PXDNL: variants seen among roughly 807,000 people sequenced by gnomAD.
The protein encoded by PXDNL is probable oxidoreductase PXDNL.
In PXDNL, 145 loss-of-function variants were observed where a neutral mutation model predicts 150.8. That is an observed-to-expected ratio of 0.96 (90% confidence interval 0.84 to 1.10). The LOEUF is 1.10. Ranked by LOEUF, PXDNL falls within the 50% of genes least tolerant of loss-of-function variation. The pLI, the probability that PXDNL is intolerant of heterozygous loss-of-function variation, is 0.00. For synonymous variants in PXDNL, 757 were observed against 725.7 expected (o/e 1.04, Z -0.69); for missense variants, 2,087 against 1,873.9 (o/e 1.11, Z -2.10).
chr8:51,632,944 CA>C (rs1814522664), intron 2 of PXDNL, among the ~76,000 whole-genome samples: 1 of 152,042 alleles, frequency 6.6e-6, no homozygotes, highest in African/African-American at 2.4e-5. Context: ...AGGTTTGTTA[CA>C]TGGGTATACT....
intron 12 of PXDNL, among the ~76,000 whole-genome samples, chr8:51,442,122 T>C (rs1362269592): frequency 1.3e-5 from 2 of 152,070 alleles, no homozygotes; most frequent in South Asian, 2.1e-4. Context: ...TACTGAGTTA[T>C]TATTCCCAAC....
intron 21 of PXDNL, among the ~76,000 whole-genome samples, chr8:51,338,852 A>G (rs1311273394): frequency 1.3e-5 from 2 of 152,212 alleles, no homozygotes; most frequent in Non-Finnish European, 2.9e-5. Context: ...GTTTTCCACA[A>G]CTTTGTCAGA....
chr8:51,731,004 A>G (rs1585707325), intron 1 of PXDNL, among the ~76,000 whole-genome samples: 1 of 152,292 alleles, frequency 6.6e-6, no homozygotes, highest in East Asian at 1.9e-4. Context: ...GACACAGCCA[A>G]CCACATCATT....
rs565117462 is a variant in PXDNL at position 51,643,874 on chromosome 8, G to A, written c.236+10815C>T. ...AAAAAACAACCCCATCAAAAAATGG[G>A]TGAAGGATATGAACAGACACTTCTC... On this transcript the variant is annotated intron_variant, in intron 2 of 22. Coordinates refer to ENST00000356297, the MANE Select transcript of PXDNL (RefSeq NM_144651.5). Among the ~76,000 whole-genome samples, 8 of 152,214 alleles carry A rather than the reference G, an allele frequency of 5.3e-5. No homozygotes were observed. The South Asian group carries it at 1.5e-3, about 28-fold the overall frequency.
At chr8:51,414,560 A>C (rs1401890379) in intron 14 of PXDNL, among the ~76,000 whole-genome samples, 1 of 151,890 alleles carries the variant, frequency 6.6e-6, no homozygotes, top group East Asian at 1.9e-4. Context: ...CACAAGATTG[A>C]GGCTCTAAAT....
At chr8:51,401,929 A>G (rs76554634) in intron 17 of PXDNL, among the ~76,000 whole-genome samples, 4,054 of 152,274 alleles carry the variant, frequency 0.027, 215 homozygotes, top group African/African-American at 0.091. Context: ...TTAAAGGCTG[A>G]CATGAATATG....
intron 5 of PXDNL, among the ~76,000 whole-genome samples, chr8:51,492,640 G>A (rs976331699): frequency 3.3e-5 from 5 of 152,148 alleles, no homozygotes; most frequent in Admixed American, 1.3e-4. Context: ...ATTGTATCCC[G>A]CACCTGGCTC....
In PXDNL at chr8:51,371,950, G is replaced by C. The variant is rs764830137; in HGVS notation, c.3824C>G (p.Ala1275Gly). The change falls in exon 19 of 23, where the codon GCA (alanine) becomes GGA (glycine). Residue 1275 changes from alanine (A) to glycine (G), a missense_variant. Transcript: ENST00000356297. ...QQVQADVFVKAEYPQDYLNCS... is the reference protein window; with the variant it reads ...QQVQADVFVKGEYPQDYLNCS... The stretch of plus-strand genomic sequence containing the variant: ...GTTCAGGTAATCCTGTGGGTATTCT[G>C]CCTTTACAAAGACATCAGCCTGCAC... 6 of 1,613,930 alleles carry C rather than the reference G, an allele frequency of 3.7e-6. 1 individual carries two copies. The East Asian group carries it at 1.3e-4, about 36-fold the overall frequency.
chr8:51,642,497 C>A (rs984569741), intron 2 of PXDNL, among the ~76,000 whole-genome samples: 46 of 152,178 alleles, frequency 3.0e-4, no homozygotes, highest in Admixed American at 3.0e-3. Context: ...AACAGCCCTT[C>A]AGGCTAAAAA....
intron 4 of PXDNL, among the ~76,000 whole-genome samples, chr8:51,517,544 T>C (rs1811570007): frequency 2.0e-5 from 3 of 152,230 alleles, no homozygotes; most frequent in Non-Finnish European, 4.4e-5. Flanking sequence ...CTAGCTTCTT[T>C]GCCAGAGCAG....
At chr8:51,361,207 A>T (rs1345543510) in intron 19 of PXDNL, among the ~76,000 whole-genome samples, 4 of 152,174 alleles carry the variant, frequency 2.6e-5, no homozygotes, top group African/African-American at 4.8e-5. Flanking sequence ...AACACAACAG[A>T]AACTGGACTG....
rs1401830665 is a variant in PXDNL at position 51,413,176 on chromosome 8, G to C, written c.1878C>G (p.Asn626Lys). 3 of 1,605,942 alleles carry C rather than the reference G, an allele frequency of 1.9e-6. No homozygotes were observed. The highest frequency in any genetic ancestry group is 2.6e-6 in the Non-Finnish European group (3 of 1,172,772). Residue 626 changes from asparagine (N) to lysine (K), a missense_variant, in exon 15 of 23, where the codon AAC becomes AAG. Transcript: ENST00000356297. ...GTGAAAACAAATGTCTTCGTGTGGAGTTAATTGCACTGTCAACTCTCTGTA... is the reference window on the plus strand; with the variant it reads ...GTGAAAACAAATGTCTTCGTGTGGACTTAATTGCACTGTCAACTCTCTGTA... ...DAVQRVDSAINSTRRHLFSQK... is the reference protein window; with the variant it reads ...DAVQRVDSAIKSTRRHLFSQK...
At chr8:51,633,003 T>C (rs908645076) in intron 2 of PXDNL, among the ~76,000 whole-genome samples, 2 of 152,158 alleles carry the variant, frequency 1.3e-5, no homozygotes, top group Admixed American at 6.6e-5. Context: ...ATACAGATAG[T>C]GATCGCATTA....
At chr8:51,404,377 T>A (rs186188210) in intron 17 of PXDNL, among the ~76,000 whole-genome samples, 1,722 of 146,998 alleles carry the variant, frequency 0.012, 85 homozygotes, top group African/African-American at 0.045. Context: ...GTGTTTACAA[T>A]CCCTGAGCTA....
chr8:51,353,311 T>A (rs1475218707), intron 19 of PXDNL, among the ~76,000 whole-genome samples: 4 of 151,708 alleles, frequency 2.6e-5, no homozygotes, highest in Non-Finnish European at 4.4e-5. Context: ...GCTTTCTCAG[T>A]ACATTCATAT....
intron 1 of PXDNL, among the ~76,000 whole-genome samples, chr8:51,712,202 G>T (rs560543634): frequency 1.3e-5 from 2 of 152,052 alleles, no homozygotes; most frequent in East Asian, 3.9e-4. Context: ...TTTTTGAGAG[G>T]CCTGAAGGCC....
At chr8:51,353,501 T>C (rs1806415163) in intron 19 of PXDNL, among the ~76,000 whole-genome samples, 1 of 152,144 alleles carries the variant, frequency 6.6e-6, no homozygotes, top group African/African-American at 2.4e-5. Flanking sequence ...AAATATTTAT[T>C]TGGTCTAATG....
intron 18 of PXDNL, 37 bp downstream of exon 18, chr8:51,374,560 T>C (rs1644176529): frequency 6.2e-7 from 1 of 1,606,012 alleles, no homozygotes; most frequent in Non-Finnish European, 8.5e-7. Context: ...AAAACAACTT[T>C]TGTGATATTT....
rs1321938981 is a variant in PXDNL at position 51,600,385 on chromosome 8, A to G, written c.237-7687T>C. ...ATATCTTGTATAAATTATATCGTTT[A>G]GATAATAAATTATATCTTATATAAA... On this transcript the variant is annotated intron_variant, in intron 2 of 22. Coordinates refer to ENST00000356297, the MANE Select transcript of PXDNL (RefSeq NM_144651.5). Among the ~76,000 whole-genome samples the G allele has an allele frequency of 1.5e-5, 2 of 131,358 alleles. 1 individual carries two copies. Among genetic ancestry groups the G allele is most frequent in the East Asian group, 4.6e-4 (2 of 4,322 alleles). 86.2% of individuals were successfully genotyped at this position (131,358 alleles called of 152,430 possible).
Sources: allele counts gnomAD v4.1 joint callset (sites outside exome capture counted in the v4.1 genomes callset), GRCh38; gene constraint gnomAD v4.1.1; transcripts MANE v1.5; gene names NCBI Gene and HGNC (gene_info 2026-07-23, HGNC 2026-07-21).